TRMT11: variants seen among roughly 807,000 people sequenced by gnomAD.
The protein encoded by TRMT11 is tRNA methyltransferase 11.
TRMT11 carries 53 observed loss-of-function variants against 62.8 expected under a neutral mutation model. The observed-to-expected ratio is 0.84, with a 90% CI of 0.68 to 1.06. The LOEUF is 1.06. Ranked by LOEUF, TRMT11 falls within the 50% of genes least tolerant of loss-of-function variation. TRMT11 has a pLI of 0.00. For missense variants in TRMT11, 556 were observed against 553.4 expected, an observed-to-expected ratio of 1.00 and a Z score of -0.05; for synonymous variants, 188 against 190.3, an observed-to-expected ratio of 0.99 and a Z score of 0.10.
intron 17 of TRMT11, among the ~76,000 whole-genome samples, chr6:126,054,944 T>A (rs1333418506): frequency 2.0e-5 from 3 of 152,184 alleles, no homozygotes; most frequent in Non-Finnish European, 4.4e-5. Flanking sequence ...CCAGGCTTTT[T>A]GAGTCACCAT....
intron 17 of TRMT11, among the ~76,000 whole-genome samples, chr6:126,081,393 G>T (rs936434901): frequency 5.3e-5 from 8 of 152,130 alleles, no homozygotes; most frequent in African/African-American, 1.9e-4. Context: ...AAATTGATTA[G>T]CTTGACATTG....
At chr6:126,011,165 A>T in intron 8 of TRMT11, 88 bp from the exon 9 acceptor site, 1 of 1,119,282 alleles carries the variant, frequency 8.9e-7, no homozygotes, top group Admixed American at 3.0e-5. Context: ...TGTAGGTTTC[A>T]GTGAGTTAAA....
the TRMT11 span, among the ~76,000 whole-genome samples, chr6:126,249,236 T>C: frequency 6.6e-6 from 1 of 152,028 alleles, no homozygotes; most frequent in South Asian, 2.1e-4. Flanking sequence ...TCATAAAACA[T>C]ATGATTAAGA....
chr6:126,208,669 C>A (rs1227934135), downstream of TRMT11, among the ~76,000 whole-genome samples: 1 of 152,164 alleles, frequency 6.6e-6, no homozygotes, highest in African/African-American at 2.4e-5. Flanking sequence ...CATCCGTTAT[C>A]TCATTAAATT....
chr6:126,208,632 AG>A (rs1361538428), downstream of TRMT11, among the ~76,000 whole-genome samples: 1 of 152,232 alleles, frequency 6.6e-6, no homozygotes, highest in Non-Finnish European at 1.5e-5. Context: ...AATACCTTGA[AG>A]ATTATGTAGT....
intron 21 of TRMT11, among the ~76,000 whole-genome samples, chr6:126,150,899 G>A (rs996637523): frequency 9.9e-5 from 15 of 152,062 alleles, no homozygotes; most frequent in Admixed American, 5.9e-4. Context: ...TATTTTTCAC[G>A]TCAGCTTCCT....
At chr6:126,115,753 G>T (rs780443132) in exon 21 of TRMT11, among the ~76,000 whole-genome samples, 115 of 151,980 alleles carry the variant, frequency 7.6e-4, no homozygotes, top group Non-Finnish European at 1.3e-4. Flanking sequence ...CTCTTAGGTG[G>T]CACTAGAAGA....
intron 17 of TRMT11, among the ~76,000 whole-genome samples, chr6:126,111,793 G>A (rs187121431): frequency 1.4e-4 from 22 of 152,182 alleles, no homozygotes; most frequent in Admixed American, 1.2e-3. Context: ...AAGTTCAGAT[G>A]CCTGGCACAA....
chr6:126,114,131 G>C (rs1223383249), intron 18 of TRMT11, among the ~76,000 whole-genome samples: 1 of 152,132 alleles, frequency 6.6e-6, no homozygotes, highest in Non-Finnish European at 1.5e-5. Context: ...CATGAAACTT[G>C]AATCAGCTTT....
At chr6:126,125,641 A>G (rs757230558) in intron 21 of TRMT11, among the ~76,000 whole-genome samples, 1 of 152,108 alleles carries the variant, frequency 6.6e-6, no homozygotes, top group South Asian at 2.1e-4. Context: ...AACTTATGAT[A>G]TAGTGGTTTA....
chr6:126,204,379 A>G (rs559531047), downstream of TRMT11, among the ~76,000 whole-genome samples: 4 of 152,302 alleles, frequency 2.6e-5, no homozygotes, highest in African/African-American at 7.2e-5. Context: ...AAGATTCAGG[A>G]CCGGATTCTC....
intron 21 of TRMT11, among the ~76,000 whole-genome samples, chr6:126,151,779 C>G (rs1043264498): frequency 8.2e-6 from 1 of 122,616 alleles, no homozygotes; most frequent in African/African-American, 3.4e-5. Flanking sequence ...TCCTTTCACC[C>G]TTTTCCTTCC....
At chr6:126,197,597 C>T (rs1778681251) in intron 1 of TRMT11, among the ~76,000 whole-genome samples, 1 of 152,128 alleles carries the variant, frequency 6.6e-6, no homozygotes, top group Non-Finnish European at 1.5e-5. Flanking sequence ...CCTCAGATTC[C>T]TTATCTTTTA....
At chr6:126,196,988 G>A (rs1156378111) in intron 1 of TRMT11, among the ~76,000 whole-genome samples, 1 of 152,106 alleles carries the variant, frequency 6.6e-6, no homozygotes, top group African/African-American at 2.4e-5. Flanking sequence ...AAAATGAGAA[G>A]ATACACTAGC....
chr6:126,109,485 TCTCAGTGCATCATACCAGGATGCAC>T (rs1303886037), intron 17 of TRMT11, among the ~76,000 whole-genome samples: 1 of 152,190 alleles, frequency 6.6e-6, no homozygotes, highest in Non-Finnish European at 1.5e-5. Context: ...GATGCTATGT[TCTCAGTGCATCATACCAGGATGCAC>T]CTCATGCTAA....
chr6:126,151,806 T>TTTTCTTTCTTTCTTTA (rs1778045447), intron 21 of TRMT11, among the ~76,000 whole-genome samples: 2 of 86,880 alleles, frequency 2.3e-5, no homozygotes, highest in East Asian at 7.0e-4. Flanking sequence ...CCTCTCTGTC[T>TTTTCTTTCTTTCTTTA]TTTCTTTCTT....
At chr6:126,219,821 G>A in the TRMT11 span, among the ~76,000 whole-genome samples, 10 of 152,120 alleles carry the variant, frequency 6.6e-5, no homozygotes, top group Non-Finnish European at 1.2e-4. Flanking sequence ...AATGTTCTAC[G>A]TATTCTTCTA....
intron 21 of TRMT11, among the ~76,000 whole-genome samples, chr6:126,142,991 T>G (rs1777934748): frequency 1.3e-5 from 2 of 152,140 alleles, no homozygotes; most frequent in African/African-American, 4.8e-5. Context: ...TAAAGATATA[T>G]AAGCCATTTC....
chr6:126,185,462 A>G (rs993628459), intron 1 of TRMT11, among the ~76,000 whole-genome samples: 1 of 152,160 alleles, frequency 6.6e-6, no homozygotes, highest in African/African-American at 2.4e-5. Context: ...CATATTGCAT[A>G]TCTTTTGAGC....
Sources: allele counts gnomAD v4.1 joint callset (sites outside exome capture counted in the v4.1 genomes callset), GRCh38; gene constraint gnomAD v4.1.1; transcripts MANE v1.5; gene names NCBI Gene and HGNC (gene_info 2026-07-23, HGNC 2026-07-21).